The following BCAT1 variants were observed in gnomAD, a reference collection of about 807,000 sequenced individuals.
The protein encoded by BCAT1 is branched chain amino acid transaminase 1.
Under a neutral mutation model 52.4 loss-of-function variants are expected in BCAT1, and 48 were observed. The observed-to-expected ratio is 0.92, with a 90% CI of 0.73 to 1.16. The LOEUF (loss-of-function observed/expected upper bound fraction) is 1.16. Ranked by LOEUF, BCAT1 falls within the 50% of genes most tolerant of loss-of-function variation. The pLI, the probability that BCAT1 is intolerant of heterozygous loss-of-function variation, is 0.00. For synonymous variants in BCAT1, 167 were observed against 161.3 expected (o/e 1.04, Z -0.27); for missense variants, 451 against 457.1 (o/e 0.99, Z 0.12).
At chr12:24,849,138 G>A (rs140301330) in intron 6 of BCAT1, among the ~76,000 whole-genome samples, 56 of 152,346 alleles carry the variant, frequency 3.7e-4, no homozygotes, top group Admixed American at 1.2e-3. Flanking sequence ...AGTTATTCTC[G>A]TTCACCCATA....
At chr12:24,878,327 T>C (rs1186343428) in intron 5 of BCAT1, among the ~76,000 whole-genome samples, 2 of 152,188 alleles carry the variant, frequency 1.3e-5, no homozygotes, top group African/African-American at 2.4e-5. Flanking sequence ...TTAGAAACTA[T>C]ATGGCCACAA....
At chr12:24,853,452 A>G (rs937165958) in intron 5 of BCAT1, among the ~76,000 whole-genome samples, 6 of 152,298 alleles carry the variant, frequency 3.9e-5, no homozygotes, top group African/African-American at 1.4e-4. Context: ...ATTCCAAAAG[A>G]GGGGGAGGGG....
At chr12:24,843,053 G>A (rs1471730288) in intron 6 of BCAT1, among the ~76,000 whole-genome samples, 1 of 152,150 alleles carries the variant, frequency 6.6e-6, no homozygotes, top group East Asian at 1.9e-4. Flanking sequence ...GTATAACTCA[G>A]TAGGTCTGAG....
chr12:24,938,906 G>A (rs765743443), intron 1 of BCAT1, among the ~76,000 whole-genome samples: 10 of 151,174 alleles, frequency 6.6e-5, no homozygotes, highest in Non-Finnish European at 1.5e-4. Flanking sequence ...ATGGAGTCTC[G>A]CTCTGTCACC....
chr12:24,861,911 G>C (rs1341701191), intron 5 of BCAT1, among the ~76,000 whole-genome samples: 3 of 152,196 alleles, frequency 2.0e-5, no homozygotes, highest in African/African-American at 7.2e-5. Context: ...CATCCTCACA[G>C]CTTATCTTAG....
At chr12:24,846,912 T>C (rs1442965552) in intron 6 of BCAT1, among the ~76,000 whole-genome samples, 1 of 152,208 alleles carries the variant, frequency 6.6e-6, no homozygotes, top group Non-Finnish European at 1.5e-5. Flanking sequence ...CCCTAGACTT[T>C]ATTGTTCATT....
rs958340678 is a variant in BCAT1 at position 24,810,947 on chromosome 12, G to T, written c.*7061C>A. ...ATCTCTAGGCCTTTTACTTTTTAAA[G>T]TGTCTTTTATTCTAAAGCTAGTTAA... On this transcript the variant is annotated 3_prime_UTR_variant, in exon 11 of 11. Transcript: ENST00000261192. 6.6e-6 allele frequency: 1 copy of T among 152,114 alleles called. No homozygotes were observed. Among genetic ancestry groups the T allele is most frequent in the African/African-American group, 2.4e-5 (1 of 41,428 alleles). The allele number at this position is 152,114 out of a possible 1,614,324, so 9.4% of individuals were successfully genotyped here.
At chr12:24,925,784 G>T (rs2139730989) in intron 1 of BCAT1, among the ~76,000 whole-genome samples, 1 of 152,334 alleles carries the variant, frequency 6.6e-6, no homozygotes, top group Middle Eastern at 3.4e-3. Flanking sequence ...TGGAGACGGG[G>T]TTTCGCTGTG....
rs150357952 is a variant in BCAT1 at position 24,884,495 on chromosome 12, C to G, written c.280-3084G>C. ...GCTAAGAGATTAAATTTCAAATGTTCTCACCACAAGAAATGATAAATATGT... is the reference window on the plus strand; with the variant it reads ...GCTAAGAGATTAAATTTCAAATGTTGTCACCACAAGAAATGATAAATATGT... On this transcript the variant is annotated intron_variant, in intron 3 of 10. Coordinates refer to ENST00000261192, the MANE Select transcript of BCAT1 (RefSeq NM_005504.7). Among the ~76,000 whole-genome samples, 85 of 152,278 alleles carry G rather than the reference C, an allele frequency of 5.6e-4. No individual in the cohort carries two copies. In the East Asian group the frequency reaches 0.016, roughly 29 times the overall value.
At chr12:24,939,526 T>C (rs929790143) in intron 1 of BCAT1, among the ~76,000 whole-genome samples, 1 of 152,204 alleles carries the variant, frequency 6.6e-6, no homozygotes, top group Non-Finnish European at 1.5e-5. Flanking sequence ...AAAAATATGT[T>C]ACTGGTCTTA....
At chr12:24,925,407 A>ATC (rs918068318) in intron 1 of BCAT1, among the ~76,000 whole-genome samples, 1 of 152,060 alleles carries the variant, frequency 6.6e-6, no homozygotes, top group East Asian at 1.9e-4. Flanking sequence ...CTTAAAATAA[A>ATC]TCTCTCTCTC....
rs572823171 is a variant in BCAT1, at chr12:24,887,950, T to C, written c.279+6325A>G. On this transcript the variant is annotated intron_variant, in intron 3 of 10. Transcript: ENST00000261192. ...AAAATAAAATGGATTCTAGACTCAATAGGTCCGATGAGTGAAGGAGAAACA... is the reference window on the plus strand; with the variant it reads ...AAAATAAAATGGATTCTAGACTCAACAGGTCCGATGAGTGAAGGAGAAACA... 1.1e-4 allele frequency among the ~76,000 whole-genome samples: 17 copies of C among 152,300 alleles called. 1 individual carries two copies. The South Asian group carries it at 3.5e-3, about 32-fold the overall frequency.
intron 8 of BCAT1, chr12:24,834,198 G>A (rs538433448): frequency 1.0e-6 from 1 of 976,896 alleles, no homozygotes; most frequent in Admixed American, 6.1e-5. Flanking sequence ...TTTAAACGTT[G>A]AATGTATATT....
At chr12:24,821,195 A>G (rs1940109264) in intron 10 of BCAT1, among the ~76,000 whole-genome samples, 1 of 152,222 alleles carries the variant, frequency 6.6e-6, no homozygotes, top group Non-Finnish European at 1.5e-5. Flanking sequence ...CAAGAAAAAT[A>G]CAATAACCAC....
chr12:24,933,043 C>G (rs1943698486), intron 1 of BCAT1, among the ~76,000 whole-genome samples: 2 of 150,760 alleles, frequency 1.3e-5, no homozygotes, highest in African/African-American at 4.9e-5. Context: ...AACTCCTGAC[C>G]TTGTGATCCA....
At chr12:24,926,308 G>T (rs1247053001) in intron 1 of BCAT1, among the ~76,000 whole-genome samples, 2 of 151,900 alleles carry the variant, frequency 1.3e-5, no homozygotes, top group Non-Finnish European at 2.9e-5. Context: ...GAGCCCCTCC[G>T]CCCAGCAGCC....
rs1223156704 is a variant in BCAT1, at chr12:24,811,645, C to CTT, written c.*6361_*6362dup. ...ATTACACTTTTAGTGAGCTAAAATC[C>CTT]TTTTAACATAGCCTGCGGATGATCT... On this transcript the variant is annotated 3_prime_UTR_variant, in exon 11 of 11. Transcript: ENST00000261192. 6.6e-6 allele frequency: 1 copy of CTT among 152,116 alleles called. No individual in the cohort carries two copies. The highest frequency in any genetic ancestry group is 1.9e-4 in the East Asian group (1 of 5,202). The allele number at this position is 152,116 out of a possible 1,614,324, so 9.4% of individuals were successfully genotyped here.
chr12:24,894,230 A>G (rs760836637), intron 3 of BCAT1, 45 bp downstream of exon 3: 1 of 1,581,196 alleles, frequency 6.3e-7, no homozygotes, highest in South Asian at 1.1e-5. Context: ...TAGTACCCAC[A>G]GTGAAGTGCA....
intron 1 of BCAT1, among the ~76,000 whole-genome samples, chr12:24,911,729 T>C (rs1465149751): frequency 6.6e-6 from 1 of 152,058 alleles, no homozygotes; most frequent in African/African-American, 2.4e-5. Flanking sequence ...TCATTTGCAC[T>C]TCCCATCTTC....
Sources: gnomAD v4.1 joint callset for allele counts (sites outside exome capture counted in the v4.1 genomes callset) on GRCh38, gnomAD v4.1.1 for gene constraint, MANE v1.5 for transcripts, NCBI Gene and HGNC (gene_info 2026-07-23, HGNC 2026-07-21) for gene names.